ADK: variants seen among roughly 807,000 people sequenced by gnomAD.
ADK encodes the protein adenosine kinase.
In ADK, 24 loss-of-function variants were observed where a neutral mutation model predicts 44.7. The ratio of observed to expected loss-of-function variants is 0.54; its 90% CI spans 0.39 to 0.76. The LOEUF (loss-of-function observed/expected upper bound fraction) is 0.76, where lower values mean the gene tolerates loss of function less well. Among genes scored for constraint, ADK ranks in the 30% least tolerant of loss-of-function variants. The pLI, the probability that ADK is intolerant of heterozygous loss-of-function variation, is 0.00. For synonymous variants in ADK, 128 were observed against 142.6 expected, an observed-to-expected ratio of 0.90 and a Z score of 0.73; for missense variants, 321 against 425.1, an observed-to-expected ratio of 0.76 and a Z score of 2.15.
At chr10:74,484,385 A>G (rs1246896725) in intron 6 of ADK, among the ~76,000 whole-genome samples, 1 of 152,232 alleles carries the variant, frequency 6.6e-6, no homozygotes, top group Non-Finnish European at 1.5e-5. Context: ...GGGGATTAAA[A>G]TAAACACGTG....
chr10:74,265,887 G>A (rs1015454636), intron 3 of ADK, among the ~76,000 whole-genome samples: 3 of 152,056 alleles, frequency 2.0e-5, no homozygotes, highest in Non-Finnish European at 4.4e-5. Context: ...GGGATCTAGG[G>A]CATGTGAGTA....
intron 7 of ADK, among the ~76,000 whole-genome samples, chr10:74,574,484 A>G (rs1047906589): frequency 6.6e-6 from 1 of 152,158 alleles, no homozygotes; most frequent in Admixed American, 6.5e-5. Flanking sequence ...TGCTACTTTC[A>G]TAGCAAAACA....
chr10:74,299,125 A>C (rs1176128020), intron 3 of ADK, among the ~76,000 whole-genome samples: 1 of 152,114 alleles, frequency 6.6e-6, no homozygotes, highest in Non-Finnish European at 1.5e-5. Flanking sequence ...TATTTTCAAA[A>C]AATTTGAGAA....
chr10:74,184,778 A>G (rs1018168407), intron 1 of ADK, among the ~76,000 whole-genome samples: 2 of 152,202 alleles, frequency 1.3e-5, no homozygotes, highest in East Asian at 1.9e-4. Flanking sequence ...GGTCACCTAC[A>G]TATGCATTAC....
intron 2 of ADK, among the ~76,000 whole-genome samples, chr10:74,210,180 T>C (rs1360659292): frequency 6.6e-6 from 1 of 151,762 alleles, no homozygotes; most frequent in Non-Finnish European, 1.5e-5. Flanking sequence ...AAATAAAAAA[T>C]TAGCTGGGTG....
intron 10 of ADK, among the ~76,000 whole-genome samples, chr10:74,682,495 T>G (rs1160367403): frequency 6.6e-6 from 1 of 152,176 alleles, no homozygotes; most frequent in Non-Finnish European, 1.5e-5. Flanking sequence ...CAACCTTTGC[T>G]CTAAATTGAC....
chr10:74,302,822 A>C (rs1395235615), intron 3 of ADK, among the ~76,000 whole-genome samples: 1 of 149,314 alleles, frequency 6.7e-6, no homozygotes, highest in East Asian at 2.0e-4. Context: ...TTTATATTCC[A>C]CATTTTACTG....
intron 3 of ADK, among the ~76,000 whole-genome samples, chr10:74,290,946 CTGCTTCT>C (rs1847397703): frequency 6.6e-6 from 1 of 152,126 alleles, no homozygotes; most frequent in African/African-American, 2.4e-5. Flanking sequence ...AGAAAATGGG[CTGCTTCT>C]TGCTTTTAGG....
At position 74,525,373 on chromosome 10, in the gene ADK, G is replaced by C. The variant is rs1848996184; in HGVS notation, c.673G>C (p.Glu225Gln). 1 of 1,613,502 alleles carries C rather than the reference G, an allele frequency of 6.2e-7. No homozygotes were observed. Among genetic ancestry groups the C allele is most frequent in the African/African-American group, 1.3e-5 (1 of 74,892 alleles). The change falls in exon 7 of 11, where the codon GAA becomes CAA. Residue 225 changes from glutamate to glutamine, a missense_variant. Transcript: ENST00000539909. ...SAPFISQFYK[E>Q]SLMKVMPYVD... ...ACCGTTTATTAGCCAGTTCTACAAG[G>C]AATCATTGATGAAAGTTATGCCTTA... is the stretch of plus-strand genomic sequence containing the variant.
intron 6 of ADK, among the ~76,000 whole-genome samples, chr10:74,449,550 TATTTTA>T (rs1845700052): frequency 6.6e-6 from 1 of 152,224 alleles, no homozygotes; most frequent in Non-Finnish European, 1.5e-5. Flanking sequence ...TATATCTTTT[TATTTTA>T]AATTTTTGAG....
chr10:74,337,090 A>G (rs916221800), intron 4 of ADK, among the ~76,000 whole-genome samples: 6 of 152,174 alleles, frequency 3.9e-5, no homozygotes, highest in Non-Finnish European at 7.3e-5. Flanking sequence ...GTGGTTTAAC[A>G]TACATAAGTT....
At chr10:74,603,419 C>T (rs1440962630) in intron 9 of ADK, among the ~76,000 whole-genome samples, 1 of 152,086 alleles carries the variant, frequency 6.6e-6, no homozygotes, top group Non-Finnish European at 1.5e-5. Context: ...CTCCCCCACC[C>T]CCCGACAGGC....
At chr10:74,278,959 C>T (rs1439839246) in intron 3 of ADK, among the ~76,000 whole-genome samples, 1 of 152,008 alleles carries the variant, frequency 6.6e-6, no homozygotes, top group Admixed American at 6.6e-5. Flanking sequence ...GATTTTTGTT[C>T]ATCCCTCTTG....
chr10:74,167,898 G>GT lies in ADK; in HGVS notation c.65+16561dup, dbSNP rs1328519386. On this transcript the variant is annotated intron_variant, in intron 1 of 10. Transcript: ENST00000539909. The stretch of plus-strand genomic sequence containing the variant: ...TTTGAAGGATGATCACTTTTAAAGT[G>GT]TTTTTTCCTCCATTGGGAAATTTGT... Among the ~76,000 whole-genome samples, 7 of 152,190 alleles carry GT rather than the reference G, an allele frequency of 4.6e-5. No homozygotes were observed. The South Asian group carries it at 1.2e-3, about 27-fold the overall frequency.
intron 1 of ADK, chr10:74,176,732 C>T: frequency 6.7e-7 from 1 of 1,502,978 alleles, no homozygotes; most frequent in Non-Finnish European, 8.9e-7. Flanking sequence ...CAGGGGCCGC[C>T]CGCGCGCGGG....
chr10:74,347,765 A>G (rs1841827783), intron 4 of ADK, among the ~76,000 whole-genome samples: 2 of 152,100 alleles, frequency 1.3e-5, no homozygotes, highest in Admixed American at 6.5e-5. Context: ...AGGCTTGAGT[A>G]GGTGGTTTTT....
At chr10:74,647,190 C>G (rs1399557908) in intron 9 of ADK, among the ~76,000 whole-genome samples, 4 of 151,446 alleles carry the variant, frequency 2.6e-5, no homozygotes, top group African/African-American at 4.8e-5. Flanking sequence ...CATTTTCTAG[C>G]AGCAAATGTT....
chr10:74,489,489 G>A (rs1459903409), intron 6 of ADK, among the ~76,000 whole-genome samples: 2 of 151,978 alleles, frequency 1.3e-5, no homozygotes, highest in African/African-American at 4.8e-5. Flanking sequence ...ATTTATGTGT[G>A]TATGTACATA....
intron 6 of ADK, among the ~76,000 whole-genome samples, chr10:74,485,855 AT>A (rs796683853): frequency 3.3e-5 from 5 of 152,326 alleles, no homozygotes; most frequent in South Asian, 2.1e-4. Flanking sequence ...ATATTTGTCC[AT>A]TTTAGTCTGT....
Sources: allele counts gnomAD v4.1 joint callset (sites outside exome capture counted in the v4.1 genomes callset), GRCh38; gene constraint gnomAD v4.1.1; transcripts MANE v1.5; gene names NCBI Gene and HGNC (gene_info 2026-07-23, HGNC 2026-07-21).